Variants in UBA6 observed in about 807,000 individuals in gnomAD.
UBA6 encodes ubiquitin like modifier activating enzyme 6.
Under a neutral mutation model 148.3 loss-of-function variants are expected in UBA6, and 87 were observed. That is an observed-to-expected ratio of 0.59 (90% confidence interval 0.49 to 0.70). The LOEUF is 0.70. Ranked by LOEUF, UBA6 falls within the 30% of genes least tolerant of loss-of-function variation. UBA6 has a pLI of 0.00. For missense variants in UBA6, 1,186 were observed against 1,241.2 expected (o/e 0.96, Z 0.67); for synonymous variants, 376 against 401.0 (o/e 0.94, Z 0.75).
intron 13 of UBA6, among the ~76,000 whole-genome samples, chr4:67,655,798 T>C (rs2109926422): frequency 6.6e-6 from 1 of 152,050 alleles, no homozygotes; most frequent in South Asian, 2.1e-4. Context: ...CTAGCAAGAC[T>C]AATAAAGAAG....
intron 13 of UBA6, among the ~76,000 whole-genome samples, chr4:67,659,651 C>CATGTATTTTATATAGGAAT (rs1553907609): frequency 2.2e-4 from 4 of 17,816 alleles, no homozygotes; most frequent in Non-Finnish European, 3.9e-4. Context: ...TTTTATATAG[C>CATGTATTTTATATAGGAAT]ATATGCAGTG....
intron 13 of UBA6, among the ~76,000 whole-genome samples, chr4:67,657,410 C>T (rs931307338): frequency 1.3e-5 from 2 of 152,096 alleles, no homozygotes; most frequent in East Asian, 3.9e-4. Flanking sequence ...TTTGAGAAAC[C>T]TGACAAAAAC....
intron 23 of UBA6, among the ~76,000 whole-genome samples, 179 bp downstream of exon 23, chr4:67,633,166 T>C (rs1418028091): frequency 6.6e-6 from 1 of 152,218 alleles, no homozygotes; most frequent in East Asian, 1.9e-4. Context: ...AGTTTCTTGC[T>C]TCTTCTATTC....
At chr4:67,619,769 C>T (rs1394039971) in intron 32 of UBA6, among the ~76,000 whole-genome samples, 1 of 152,176 alleles carries the variant, frequency 6.6e-6, no homozygotes, top group East Asian at 1.9e-4. Context: ...ACATTCTTAG[C>T]TTTTTCCCTT....
intron 2 of UBA6, among the ~76,000 whole-genome samples, chr4:67,685,067 C>T (rs1166679365): frequency 6.6e-6 from 1 of 152,146 alleles, no homozygotes; most frequent in African/African-American, 2.4e-5. Context: ...CCAAATCATT[C>T]CTCAAGGTTT....
chr4:67,696,843 A>G, intron 1 of UBA6, 136 bp from the exon 2 acceptor site: 1 of 626,638 alleles, frequency 1.6e-6, no homozygotes, highest in Non-Finnish European at 2.8e-6. Context: ...CTTTACTTAT[A>G]TTTTTTAAAT....
intron 2 of UBA6, among the ~76,000 whole-genome samples, 183 bp downstream of exon 2, chr4:67,696,460 CAT>C (rs771392703): frequency 2.0e-5 from 3 of 150,718 alleles, no homozygotes; most frequent in South Asian, 2.1e-4. Flanking sequence ...CATATATATA[CAT>C]ATACATATAT....
intron 4 of UBA6, 44 bp downstream of exon 4, chr4:67,681,519 A>G (rs757959384): frequency 4.2e-6 from 6 of 1,419,924 alleles, no homozygotes; most frequent in Middle Eastern, 1.8e-4. Context: ...TGAGCCAAAA[A>G]AAAAGGCTCA....
chr4:67,633,331 C>T lies in UBA6; in HGVS notation c.2142+14G>A. The T allele has an allele frequency of 1.3e-6, 2 of 1,572,960 alleles. No individual in the cohort carries two copies. Among genetic ancestry groups the T allele is most frequent in the Non-Finnish European group, 1.7e-6 (2 of 1,167,142 alleles). On this transcript the variant is annotated intron_variant, in intron 23 of 32. Transcript: ENST00000322244. ...GATCAGACCTTTTCTTAATGTCTCA[C>T]AATGCATACTTACCTTATGGTTAAA...
intron 9 of UBA6, 36 bp from the exon 10 acceptor site, chr4:67,665,328 G>T: frequency 8.1e-7 from 1 of 1,238,872 alleles, no homozygotes; most frequent in Non-Finnish European, 1.1e-6. Flanking sequence ...CATTACACAG[G>T]GATATAGATA....
chr4:67,630,938 A>G (rs1030965716), intron 25 of UBA6, among the ~76,000 whole-genome samples: 2 of 152,214 alleles, frequency 1.3e-5, no homozygotes, highest in African/African-American at 4.8e-5. Flanking sequence ...CAAAAAAAGA[A>G]AGTCTTATAG....
At chr4:67,665,540 A>G (rs1729976400) in intron 9 of UBA6, among the ~76,000 whole-genome samples, 1 of 151,526 alleles carries the variant, frequency 6.6e-6, no homozygotes, top group East Asian at 1.9e-4. Context: ...AACTTACAGA[A>G]AAAGAGTAAT....
intron 2 of UBA6, among the ~76,000 whole-genome samples, chr4:67,684,481 A>T (rs1322689996): frequency 2.6e-5 from 4 of 152,098 alleles, no homozygotes; most frequent in South Asian, 4.1e-4. Context: ...ATTTTATGGG[A>T]CATTTTTAAG....
chr4:67,652,173 A>G (rs1216074937), intron 13 of UBA6, among the ~76,000 whole-genome samples: 2 of 152,214 alleles, frequency 1.3e-5, no homozygotes, highest in Non-Finnish European at 2.9e-5. Context: ...TGAATTTCAG[A>G]GACTATTGTA....
intron 25 of UBA6, among the ~76,000 whole-genome samples, chr4:67,631,426 C>G (rs1189966423): frequency 1.3e-5 from 2 of 151,970 alleles, no homozygotes; most frequent in African/African-American, 2.4e-5. Context: ...TGTCATTTTA[C>G]TAATTTATGG....
At chr4:67,627,565 T>C (rs1461794885) in intron 27 of UBA6, among the ~76,000 whole-genome samples, 1 of 151,954 alleles carries the variant, frequency 6.6e-6, no homozygotes, top group Non-Finnish European at 1.5e-5. Context: ...CTTGGAAACA[T>C]GGGCTGGGAA....
chr4:67,662,966 A>C, intron 12 of UBA6, 173 bp downstream of exon 12: 1 of 437,870 alleles, frequency 2.3e-6, no homozygotes, highest in Non-Finnish European at 4.1e-6. Context: ...TATAAACCAA[A>C]TTTCTCCACT....
chr4:67,691,571 A>G (rs1730694670), intron 2 of UBA6, among the ~76,000 whole-genome samples: 1 of 152,186 alleles, frequency 6.6e-6, no homozygotes, highest in Non-Finnish European at 1.5e-5. Context: ...AGATTCTTGC[A>G]TATTTTTTCA....
intron 7 of UBA6, among the ~76,000 whole-genome samples, chr4:67,672,449 G>C (rs1034289300): frequency 6.6e-6 from 1 of 152,154 alleles, no homozygotes; most frequent in Non-Finnish European, 1.5e-5. Context: ...AAGGGTCTGA[G>C]GGATTCTTAG....
Sources: gnomAD v4.1 joint callset for allele counts (sites outside exome capture counted in the v4.1 genomes callset) on GRCh38, gnomAD v4.1.1 for gene constraint, MANE v1.5 for transcripts, NCBI Gene and HGNC (gene_info 2026-07-23, HGNC 2026-07-21) for gene names.